Variants in CCDC60 observed in about 807,000 individuals in gnomAD.
CCDC60 encodes the protein coiled-coil domain containing 60.
In CCDC60, 54 loss-of-function variants were observed where a neutral mutation model predicts 63.5. That is an observed-to-expected ratio of 0.85 (90% CI 0.68 to 1.07). The LOEUF is 1.07. CCDC60 is among the 50% of genes least tolerant of loss of function. The pLI, the probability that CCDC60 is intolerant of heterozygous loss-of-function variation, is 0.00. For synonymous variants in CCDC60, 206 were observed against 238.8 expected, an observed-to-expected ratio of 0.86 and a Z score of 1.27; for missense variants, 651 against 684.3, an observed-to-expected ratio of 0.95 and a Z score of 0.54.
chr12:119,393,154 A>G (rs1430838277), intron 1 of CCDC60, among the ~76,000 whole-genome samples: 1 of 152,182 alleles, frequency 6.6e-6, no homozygotes, highest in Admixed American at 6.5e-5. Flanking sequence ...ACAGAGCAAG[A>G]TCCTGTCACA....
At chr12:119,519,467 ATTT>A (rs60025828) in intron 8 of CCDC60, among the ~76,000 whole-genome samples, 2 of 95,286 alleles carry the variant, frequency 2.1e-5, no homozygotes, top group Non-Finnish European at 2.3e-5. Flanking sequence ...ATATATATAT[ATTT>A]TTTTTTTTTT....
intron 1 of CCDC60, among the ~76,000 whole-genome samples, chr12:119,379,307 A>G (rs1955985859): frequency 6.6e-6 from 1 of 152,218 alleles, no homozygotes; most frequent in Admixed American, 6.5e-5. Flanking sequence ...CAGGTGGAGG[A>G]CACTCAAATG....
chr12:119,510,193 A>G (rs1487694104), intron 7 of CCDC60, among the ~76,000 whole-genome samples: 1 of 152,222 alleles, frequency 6.6e-6, no homozygotes, highest in African/African-American at 2.4e-5. Flanking sequence ...CTCTAGCTCA[A>G]CATCTTTCAA....
chr12:119,480,071 G>A (rs926813471), intron 4 of CCDC60, among the ~76,000 whole-genome samples: 6 of 149,166 alleles, frequency 4.0e-5, no homozygotes, highest in Non-Finnish European at 8.9e-5. Flanking sequence ...ACTGCTTTAG[G>A]GCAATGGATT....
chr12:119,373,440 G>A (rs536940327), intron 1 of CCDC60, among the ~76,000 whole-genome samples: 11 of 152,142 alleles, frequency 7.2e-5, no homozygotes, highest in Admixed American at 4.6e-4. Context: ...GTTTTCATCA[G>A]TCCAACCCTG....
chr12:119,425,994 ATGT>A (rs1291636383), intron 1 of CCDC60, among the ~76,000 whole-genome samples: 1 of 152,202 alleles, frequency 6.6e-6, no homozygotes, highest in Admixed American at 6.5e-5. Context: ...GGGTGAACAG[ATGT>A]TGTATGTGTG....
At chr12:119,385,037 C>T (rs1956046341) in intron 1 of CCDC60, among the ~76,000 whole-genome samples, 2 of 152,210 alleles carry the variant, frequency 1.3e-5, no homozygotes, top group African/African-American at 4.8e-5. Context: ...CTAATTTTTA[C>T]AGAGGTGCTG....
In CCDC60 at chr12:119,530,970, G is replaced by A; in HGVS notation, c.1458G>A (p.Leu486=). The change falls in exon 13 of 14, where the codon CTG becomes CTA. Residue 486 remains leucine, a synonymous_variant. Coordinates refer to ENST00000327554, the MANE Select transcript of CCDC60 (RefSeq NM_178499.5). Reference sequence around the variant, plus strand: ...AACTGCAGAAGTTTGGAGAAAACCTGGACTTGCGGATTCGACCCCATGTCC... The same window carrying A: ...AACTGCAGAAGTTTGGAGAAAACCTAGACTTGCGGATTCGACCCCATGTCC... ...LVKLQKFGEN[L]DLRIRPHVLL... 1 of 1,614,136 alleles carries A rather than the reference G, an allele frequency of 6.2e-7. No homozygotes were observed. The highest frequency in any genetic ancestry group is 2.2e-5 in the East Asian group (1 of 44,874).
intron 1 of CCDC60, among the ~76,000 whole-genome samples, chr12:119,345,302 G>A (rs1955579766): frequency 6.6e-6 from 1 of 152,130 alleles, no homozygotes; most frequent in Admixed American, 6.5e-5. Flanking sequence ...AGGATTTCGA[G>A]ACCAGCCTGA....
intron 7 of CCDC60, among the ~76,000 whole-genome samples, chr12:119,510,330 A>C (rs1952179845): frequency 6.6e-6 from 1 of 152,010 alleles, no homozygotes; most frequent in Non-Finnish European, 1.5e-5. Flanking sequence ...TTTTTAAACA[A>C]TGCACACTCT....
At chr12:119,355,719 C>T (rs556233871) in intron 1 of CCDC60, among the ~76,000 whole-genome samples, 1 of 152,356 alleles carries the variant, frequency 6.6e-6, no homozygotes, top group Admixed American at 6.5e-5. Flanking sequence ...CCACGAGTAG[C>T]AGCTCAGAGG....
intron 11 of CCDC60, 42 bp downstream of exon 11, chr12:119,523,860 T>G: frequency 6.2e-7 from 1 of 1,603,004 alleles, no homozygotes; most frequent in Non-Finnish European, 8.5e-7. Context: ...CAGCATTCAC[T>G]GGGTACCTAC....
At chr12:119,363,410 A>C (rs981234113) in intron 1 of CCDC60, among the ~76,000 whole-genome samples, 3 of 136,650 alleles carry the variant, frequency 2.2e-5, no homozygotes, top group Non-Finnish European at 3.1e-5. Flanking sequence ...TATATAGTCT[A>C]GGTATGAGTC....
chr12:119,474,823 A>G (rs374353727), intron 3 of CCDC60, among the ~76,000 whole-genome samples: 2 of 152,302 alleles, frequency 1.3e-5, no homozygotes, highest in East Asian at 1.9e-4. Context: ...CTTGGGCAAC[A>G]TAGAGAGACT....
At chr12:119,472,536 G>C (rs933201029) in intron 3 of CCDC60, among the ~76,000 whole-genome samples, 19 of 150,766 alleles carry the variant, frequency 1.3e-4, no homozygotes, top group Non-Finnish European at 2.2e-4. Flanking sequence ...CCAGGGCCTG[G>C]CTCATTGTCC....
intron 2 of CCDC60, among the ~76,000 whole-genome samples, chr12:119,468,911 C>T (rs1393187942): frequency 6.6e-6 from 1 of 151,482 alleles, no homozygotes; most frequent in Non-Finnish European, 1.5e-5. Flanking sequence ...CCCATCTCTA[C>T]AAAAATTAAA....
At chr12:119,419,022 C>T (rs993785059) in intron 1 of CCDC60, among the ~76,000 whole-genome samples, 3 of 152,264 alleles carry the variant, frequency 2.0e-5, no homozygotes, top group African/African-American at 4.8e-5. Context: ...AAGTCAGAAG[C>T]TTCCCCAGAA....
rs558063791 is a variant in CCDC60 at position 119,534,486 on chromosome 12, C to A, written c.1551+3423C>A. ...GAGTGGTGAGAGACGGCATCCCTGT[C>A]TTGTGCCAGTTTTCAAAAGGAATGC... On this transcript the variant is annotated intron_variant, in intron 13 of 13. Coordinates refer to ENST00000327554, the MANE Select transcript of CCDC60 (RefSeq NM_178499.5). Among the ~76,000 whole-genome samples the A allele has an allele frequency of 2.2e-3, 331 of 152,268 alleles. 1 individual carries two copies. The highest frequency in any genetic ancestry group is 3.8e-3 in the Non-Finnish European group (258 of 68,034).
At chr12:119,489,171 A>G (rs560359699) in intron 5 of CCDC60, among the ~76,000 whole-genome samples, 61 of 152,306 alleles carry the variant, frequency 4.0e-4, no homozygotes, top group African/African-American at 1.2e-3. Flanking sequence ...TTGGCAAGCT[A>G]TGGAAGCACA....
Sources: allele counts gnomAD v4.1 joint callset (sites outside exome capture counted in the v4.1 genomes callset), GRCh38; gene constraint gnomAD v4.1.1; transcripts MANE v1.5; gene names NCBI Gene and HGNC (gene_info 2026-07-23, HGNC 2026-07-21).